Variants in PSTPIP2 observed in about 807,000 individuals in gnomAD.
PSTPIP2 encodes proline-serine-threonine phosphatase interacting protein 2.
In PSTPIP2, 33 loss-of-function variants were observed where a neutral mutation model predicts 63.3. The ratio of observed to expected loss-of-function variants is 0.52; its 90% CI spans 0.40 to 0.70. The LOEUF is 0.70. Ranked by LOEUF, PSTPIP2 falls within the 30% of genes least tolerant of loss-of-function variation. The pLI is 0.00. For missense variants in PSTPIP2, 312 were observed against 400.7 expected, an observed-to-expected ratio of 0.78 and a Z score of 1.89; for synonymous variants, 125 against 132.7, an observed-to-expected ratio of 0.94 and a Z score of 0.40.
At chr18:46,032,431 G>A (rs1205670441) in intron 2 of PSTPIP2, among the ~76,000 whole-genome samples, 1 of 152,026 alleles carries the variant, frequency 6.6e-6, no homozygotes, top group Admixed American at 6.6e-5. Context: ...CCCAGACCAG[G>A]AATAATCCAT....
At chr18:45,991,726 T>C (rs905803253) in intron 12 of PSTPIP2, among the ~76,000 whole-genome samples, 176 bp downstream of exon 12, 28 of 152,244 alleles carry the variant, frequency 1.8e-4, no homozygotes, top group African/African-American at 6.0e-4. Flanking sequence ...CCCTGAACTA[T>C]GACTATTAAA....
intron 1 of PSTPIP2, among the ~76,000 whole-genome samples, chr18:46,059,810 C>T (rs1568232717): frequency 6.6e-6 from 1 of 152,080 alleles, no homozygotes; most frequent in East Asian, 1.9e-4. Flanking sequence ...GGGTGGATCA[C>T]CTGAGGTCAG....
chr18:45,993,838 C>G, intron 9 of PSTPIP2, 135 bp from the exon 10 acceptor site: 2 of 719,526 alleles, frequency 2.8e-6, no homozygotes, highest in African/African-American at 1.8e-5. Context: ...GCTTCTCCCC[C>G]ACCACTGAGG....
intron 1 of PSTPIP2, among the ~76,000 whole-genome samples, chr18:46,060,238 T>C (rs916132278): frequency 4.6e-5 from 7 of 152,226 alleles, no homozygotes; most frequent in East Asian, 1.9e-4. Flanking sequence ...TATTTCACTA[T>C]GGTATTTCAC....
intron 1 of PSTPIP2, among the ~76,000 whole-genome samples, chr18:46,044,558 G>A (rs1368651262): frequency 5.9e-5 from 9 of 152,126 alleles, no homozygotes; most frequent in Non-Finnish European, 1.3e-4. Flanking sequence ...AAAAACCCTA[G>A]AAGAAAACCT....
chr18:46,017,631 T>C (rs1022128731), intron 3 of PSTPIP2, among the ~76,000 whole-genome samples: 3 of 152,170 alleles, frequency 2.0e-5, no homozygotes. Context: ...TTTTGAAATG[T>C]ATTTATTTAC....
intron 1 of PSTPIP2, among the ~76,000 whole-genome samples, chr18:46,068,988 A>T (rs913550885): frequency 6.7e-6 from 1 of 148,448 alleles, no homozygotes; most frequent in Admixed American, 6.6e-5. Context: ...TCCCAGGCAG[A>T]GAGAAGCCCT....
Position 46,033,693 on chromosome 18 carries a change from A to G in PSTPIP2, c.134+6254T>C, listed in dbSNP as rs867060860. Among the ~76,000 whole-genome samples the G allele has an allele frequency of 2.8e-4, 37 of 131,576 alleles. No individual in the cohort carries two copies. The South Asian group carries it at 4.8e-3, about 17-fold the overall frequency. 86.3% of individuals were successfully genotyped at this position (131,576 alleles called of 152,430 possible). ...AGCCTGGGGGACAGAGTGAGACTCC[A>G]TCTCGAAAAAAAAAAAAAAAAAAGA... On this transcript the variant is annotated intron_variant, in intron 2 of 14. Coordinates refer to ENST00000409746, the MANE Select transcript of PSTPIP2 (RefSeq NM_024430.4).
intron 1 of PSTPIP2, among the ~76,000 whole-genome samples, chr18:46,063,396 T>C (rs1909059081): frequency 6.6e-6 from 1 of 152,172 alleles, no homozygotes; most frequent in South Asian, 2.1e-4. Flanking sequence ...AACTTGACTG[T>C]ATAAAGTGTT....
intron 2 of PSTPIP2, among the ~76,000 whole-genome samples, chr18:46,027,448 G>A (rs1269286307): frequency 6.6e-6 from 1 of 152,054 alleles, no homozygotes; most frequent in Non-Finnish European, 1.5e-5. Context: ...CCAGCACTTT[G>A]GGAGGGCAAG....
intron 1 of PSTPIP2, among the ~76,000 whole-genome samples, chr18:46,059,037 T>G (rs1908886953): frequency 1.6e-5 from 2 of 125,528 alleles, no homozygotes; most frequent in South Asian, 4.7e-4. Flanking sequence ...TCTTTTTTTC[T>G]TTTTCTTTTT....
intron 1 of PSTPIP2, among the ~76,000 whole-genome samples, chr18:46,042,778 G>A (rs897824147): frequency 7.9e-5 from 12 of 152,102 alleles, no homozygotes; most frequent in African/African-American, 1.4e-4. Flanking sequence ...TTGGTGCATC[G>A]TGCAGCCCTT....
chr18:46,012,969 CAT>C (rs1477747247), intron 4 of PSTPIP2, among the ~76,000 whole-genome samples: 1 of 152,050 alleles, frequency 6.6e-6, no homozygotes, highest in Non-Finnish European at 1.5e-5. Flanking sequence ...ATACTATACA[CAT>C]ATATGTTTAA....
At chr18:46,011,883 T>C (rs2051800242) in intron 4 of PSTPIP2, among the ~76,000 whole-genome samples, 1 of 152,158 alleles carries the variant, frequency 6.6e-6, no homozygotes. Flanking sequence ...GTCTGACAGA[T>C]AAAGCTAGAA....
chr18:46,019,268 T>C lies in PSTPIP2; in HGVS notation c.213-3331A>G, dbSNP rs775941540. On this transcript the variant is annotated intron_variant, in intron 3 of 14. Coordinates refer to ENST00000409746, the MANE Select transcript of PSTPIP2 (RefSeq NM_024430.4). ...ATATATATGTATATATGGCAAATTC[T>C]ACTATTTTAGAAATTAAAGGCCTTG... 7.5e-4 allele frequency among the ~76,000 whole-genome samples: 115 copies of C among 152,342 alleles called. 2 individuals are homozygous for C. Among genetic ancestry groups the C allele is most frequent in the Non-Finnish European group, 1.1e-3 (72 of 68,038 alleles).
chr18:46,037,562 A>T (rs1908025988), intron 2 of PSTPIP2, among the ~76,000 whole-genome samples: 1 of 152,204 alleles, frequency 6.6e-6, no homozygotes, highest in Non-Finnish European at 1.5e-5. Context: ...TCCCACAAGC[A>T]TCCTGCACCC....
At chr18:46,044,561 G>A (rs1001290187) in intron 1 of PSTPIP2, among the ~76,000 whole-genome samples, 6 of 152,154 alleles carry the variant, frequency 3.9e-5, no homozygotes, top group African/African-American at 1.4e-4. Flanking sequence ...AACCCTAGAA[G>A]AAAACCTAGG....
Position 45,984,407 on chromosome 18 carries a change from G to C in PSTPIP2, c.*1052C>G, listed in dbSNP as rs2144050944. The stretch of plus-strand genomic sequence containing the variant: ...AACCCAAATATTTGTGAAAGTGTAA[G>C]ACGGATGCATTTAAAATTCTGGGGT... On this transcript the variant is annotated 3_prime_UTR_variant, in exon 15 of 15. Coordinates refer to ENST00000409746, the MANE Select transcript of PSTPIP2 (RefSeq NM_024430.4). 6.6e-6 allele frequency: 1 copy of C among 152,346 alleles called. No homozygotes were observed. Among genetic ancestry groups the C allele is most frequent in the Admixed American group, 6.5e-5 (1 of 15,306 alleles). 9.4% of individuals were successfully genotyped at this position (152,346 alleles called of 1,614,324 possible). A position where few individuals can be genotyped will look rare whatever the true frequency, so the allele number is the denominator to read the frequency against.
At chr18:46,019,622 G>A (rs1907274037) in intron 3 of PSTPIP2, among the ~76,000 whole-genome samples, 1 of 152,116 alleles carries the variant, frequency 6.6e-6, no homozygotes. Flanking sequence ...CCAACATGGT[G>A]TAACCCCTTC....
Sources: gnomAD v4.1 joint callset for allele counts (sites outside exome capture counted in the v4.1 genomes callset) on GRCh38, gnomAD v4.1.1 for gene constraint, MANE v1.5 for transcripts, NCBI Gene and HGNC (gene_info 2026-07-23, HGNC 2026-07-21) for gene names.